The following NFAT5 variants were observed in gnomAD, a reference collection of about 807,000 sequenced individuals.
NFAT5 encodes the protein nuclear factor of activated T cells 5.
A neutral mutation model predicts 166.5 loss-of-function variants in NFAT5; 31 were observed. That is an observed-to-expected ratio of 0.19 (90% CI 0.14 to 0.25). The LOEUF (loss-of-function observed/expected upper bound fraction) is 0.25. NFAT5 is among the 10% of genes least tolerant of loss of function. The pLI, the probability that NFAT5 is intolerant of heterozygous loss-of-function variation, is 1.00. For missense variants in NFAT5, 1,449 were observed against 1,821.8 expected (o/e 0.80, Z 3.72); for synonymous variants, 612 against 639.7 (o/e 0.96, Z 0.65).
At chr16:69,691,538 G>T (rs747376660) in intron 12 of NFAT5, among the ~76,000 whole-genome samples, 1 of 151,956 alleles carries the variant, frequency 6.6e-6, no homozygotes, top group Non-Finnish European at 1.5e-5. Flanking sequence ...GACTATCTTT[G>T]CTTGTCGTAC....
Position 69,596,644 on chromosome 16 carries a change from G to A in NFAT5, c.127+28096G>A, listed in dbSNP as rs535402240. Among the ~76,000 whole-genome samples, 817 of 151,812 alleles carry A rather than the reference G, an allele frequency of 5.4e-3. 6 individuals carry two copies. The highest frequency in any genetic ancestry group is 0.019 in the African/African-American group (766 of 41,370). On this transcript the variant is annotated intron_variant, in intron 2 of 14. Coordinates refer to ENST00000349945, the MANE Select transcript of NFAT5 (RefSeq NM_138713.4). ...GACGCAGGAGAATCGCTTGAACCCGGGAGGCAGAGGTTGCAGTGAGCCGAG... is the reference window on the plus strand; with the variant it reads ...GACGCAGGAGAATCGCTTGAACCCGAGAGGCAGAGGTTGCAGTGAGCCGAG...
In NFAT5 at chr16:69,647,009, C is replaced by A; in HGVS notation, c.254-19C>A. The stretch of plus-strand genomic sequence containing the variant: ...TGAAAACATGTATAGTGTATTTACT[C>A]TTGAATTGTACACTGCAGATGCTTC... On this transcript the variant is annotated intron_variant, in intron 3 of 14. Coordinates refer to ENST00000349945, the MANE Select transcript of NFAT5 (RefSeq NM_138713.4). The surrounding 1 kb of genome is among the most constrained non-coding windows in gnomAD (Gnocchi z 4.8). 2 of 1,531,466 alleles carry A rather than the reference C, an allele frequency of 1.3e-6. No individual in the cohort carries two copies. The highest frequency in any genetic ancestry group is 2.6e-5 in the South Asian group (2 of 78,280). The allele number at this position is 1,531,466 out of a possible 1,614,324, so 94.9% of individuals were successfully genotyped here. A position where few individuals can be genotyped will look rare whatever the true frequency, so the allele number is the denominator to read the frequency against.
intron 2 of NFAT5, among the ~76,000 whole-genome samples, chr16:69,608,493 A>G (rs1221420505): frequency 4.6e-5 from 7 of 152,166 alleles, no homozygotes; most frequent in Admixed American, 3.3e-4. Flanking sequence ...GCGGTGGCTC[A>G]CGCCTGTAAT....
At chr16:69,651,480 G>T (rs2035662179) in intron 4 of NFAT5, among the ~76,000 whole-genome samples, 1 of 152,032 alleles carries the variant, frequency 6.6e-6, no homozygotes, top group African/African-American at 2.4e-5. Flanking sequence ...GTAAACATTA[G>T]AGCCAGGTTT....
At chr16:69,625,568 CT>C (rs1413496918) in intron 2 of NFAT5, among the ~76,000 whole-genome samples, 1 of 149,686 alleles carries the variant, frequency 6.7e-6, no homozygotes. Context: ...CAAAGTTTTT[CT>C]TTGATTAGAT....
chr16:69,626,374 G>A lies in NFAT5; in HGVS notation c.128-29G>A, dbSNP rs765271864. The A allele has an allele frequency of 6.5e-6, 10 of 1,549,154 alleles. No individual in the cohort carries two copies. The South Asian group carries it at 1.1e-4, about 18-fold the overall frequency. ...GTTGACTGAATCTCTTTTAAAAATTGTTTTCTCCTCTCTTTCCCCTCCCCA... is the reference window on the plus strand; with the variant it reads ...GTTGACTGAATCTCTTTTAAAAATTATTTTCTCCTCTCTTTCCCCTCCCCA... On this transcript the variant is annotated intron_variant, in intron 2 of 14. Transcript: ENST00000349945.
At chr16:69,681,753 T>TA (rs1567603158) in intron 10 of NFAT5, among the ~76,000 whole-genome samples, 1 of 151,526 alleles carries the variant, frequency 6.6e-6, no homozygotes, top group Non-Finnish European at 1.5e-5. Flanking sequence ...CCGTCTCTAC[T>TA]AAAAAATACA....
chr16:69,696,089 T>C (rs899595573), intron 14 of NFAT5, among the ~76,000 whole-genome samples: 1 of 152,246 alleles, frequency 6.6e-6, no homozygotes, highest in Non-Finnish European at 1.5e-5. Flanking sequence ...TGGACATTCC[T>C]TCTGCCTCTG....
chr16:69,649,572 G>GA (rs1036626832), intron 4 of NFAT5: 3 of 982,516 alleles, frequency 3.1e-6, no homozygotes, highest in African/African-American at 3.5e-5. Context: ...CTTAGGTAAT[G>GA]AAAAAAATAT....
rs1292682543 is a variant in NFAT5, at chr16:69,700,653, A to G, written c.*4302A>G. On this transcript the variant is annotated 3_prime_UTR_variant, in exon 15 of 15. Coordinates refer to ENST00000349945, the MANE Select transcript of NFAT5 (RefSeq NM_138713.4). ...AAATTAATTAGCTTTCCTCTGCTTTATGACCACAGGTTTTATCCCTAACCG... is the reference window on the plus strand; with the variant it reads ...AAATTAATTAGCTTTCCTCTGCTTTGTGACCACAGGTTTTATCCCTAACCG... 6.6e-6 allele frequency: 1 copy of G among 152,150 alleles called. No individual in the cohort carries two copies. The highest frequency in any genetic ancestry group is 1.5e-5 in the Non-Finnish European group (1 of 68,034). 9.4% of individuals were successfully genotyped at this position (152,150 alleles called of 1,614,324 possible).
chr16:69,662,998 A>G (rs1336805943), intron 7 of NFAT5, among the ~76,000 whole-genome samples: 1 of 152,200 alleles, frequency 6.6e-6, no homozygotes, highest in Non-Finnish European at 1.5e-5. Context: ...CTTTCCGTGA[A>G]TATAAACTTT....
intron 4 of NFAT5, 67 bp from the exon 5 acceptor site, chr16:69,653,169 A>G: frequency 2.7e-6 from 3 of 1,127,508 alleles, no homozygotes; most frequent in Non-Finnish European, 2.5e-6. Flanking sequence ...CTTTGTCTTA[A>G]TGGCTTTTTT....
Position 69,647,332 on chromosome 16 carries a change from T to C in NFAT5, c.558T>C (p.Ser186=), listed in dbSNP as rs1443693912. Residue 186 remains serine (S), a synonymous_variant, in exon 4 of 15, where the codon TCT becomes TCC. Coordinates refer to ENST00000349945, the MANE Select transcript of NFAT5 (RefSeq NM_138713.4). The surrounding 1 kb of genome is among the most constrained non-coding windows in gnomAD (Gnocchi z 4.8). ...AGGATGAGGGGTGTGGATTGGAATC[T>C]GAGCAGAGCTGCAGTATGTGGATGG... ...SCQDEGCGLE[S]EQSCSMWMED... is the part of the protein sequence containing the mutation. 4 of 1,614,210 alleles carry C rather than the reference T, an allele frequency of 2.5e-6. No homozygotes were observed. In the South Asian group the frequency reaches 3.3e-5, roughly 13 times the overall value.
chr16:69,619,510 T>A (rs571088324), intron 2 of NFAT5, among the ~76,000 whole-genome samples: 25 of 152,318 alleles, frequency 1.6e-4, no homozygotes, highest in African/African-American at 5.3e-4. Context: ...AATACAGATA[T>A]CACATTCTTT....
intron 2 of NFAT5, among the ~76,000 whole-genome samples, chr16:69,587,703 A>T (rs967052996): frequency 6.6e-6 from 1 of 152,112 alleles, no homozygotes; most frequent in African/African-American, 2.4e-5. Flanking sequence ...TTCACTTCTT[A>T]TGGTCCTCAA....
Position 69,690,942 on chromosome 16 carries a change from A to G in NFAT5, c.1777A>G (p.Met593Val), listed in dbSNP as rs182069051. 2.1e-5 allele frequency: 32 copies of G among 1,532,454 alleles called. No homozygotes were observed. The highest frequency in any genetic ancestry group is 5.6e-5 in the African/African-American group (4 of 71,898). The allele number at this position is 1,532,454 out of a possible 1,614,324, so 94.9% of individuals were successfully genotyped here. The change falls in exon 12 of 15, where the codon ATG becomes GTG. Residue 593 changes from methionine (M) to valine (V), a missense_variant and splice_region_variant. This residue lies in a region of NFAT5 where 245 missense variants were observed against 366.6 expected (regional missense o/e 0.67). Coordinates refer to ENST00000349945, the MANE Select transcript of NFAT5 (RefSeq NM_138713.4). ...TTTTTGTGTGTGTGTATATGCAGCA[A>G]TGAAAACTACTGGATGTAATTTAGA... ...PCSFEEAMKAMKTTGCNLDKV... is the reference protein window; with the variant it reads ...PCSFEEAMKAVKTTGCNLDKV...
chr16:69,687,436 G>GAAA (rs374420987), intron 11 of NFAT5, among the ~76,000 whole-genome samples: 30 of 85,408 alleles, frequency 3.5e-4, no homozygotes, highest in African/African-American at 1.1e-3. Flanking sequence ...GCAAGACTCT[G>GAAA]AAAAAAAAAA....
chr16:69,633,737 T>G (rs2151593777), intron 3 of NFAT5, among the ~76,000 whole-genome samples: 1 of 152,290 alleles, frequency 6.6e-6, no homozygotes, highest in South Asian at 2.1e-4. Context: ...AAATTTCAGC[T>G]AGATAGAAGA....
At chr16:69,569,818 A>G (rs578117470) in intron 2 of NFAT5, among the ~76,000 whole-genome samples, 67 of 152,218 alleles carry the variant, frequency 4.4e-4, no homozygotes, top group Non-Finnish European at 8.2e-4. Context: ...TGTACGTGTA[A>G]GAAGCCCATA....
Sources: allele counts gnomAD v4.1 joint callset (sites outside exome capture counted in the v4.1 genomes callset), GRCh38; gene constraint gnomAD v4.1.1; regional missense constraint gnomAD v4.1.1; non-coding constraint Gnocchi (gnomAD v3.1); transcripts MANE v1.5; gene names NCBI Gene and HGNC (gene_info 2026-07-23, HGNC 2026-07-21).